GABRB1: variants seen among roughly 807,000 people sequenced by gnomAD.
The protein encoded by GABRB1 is gamma-aminobutyric acid receptor subunit beta-1.
GABRB1 carries 17 observed loss-of-function variants against 51.6 expected under a neutral mutation model. That is an observed-to-expected ratio of 0.33 (90% CI 0.23 to 0.49). GABRB1 has a LOEUF of 0.49. Ranked by LOEUF, GABRB1 falls within the 20% of genes least tolerant of loss-of-function variation. GABRB1 has a pLI of 0.99. For synonymous variants in GABRB1, 247 were observed against 218.9 expected (o/e 1.13, Z -1.14); for missense variants, 410 against 600.6 (o/e 0.68, Z 3.32).
At chr4:47,170,485 G>T (rs2096717690) in intron 4 of GABRB1, among the ~76,000 whole-genome samples, 1 of 151,728 alleles carries the variant, frequency 6.6e-6, no homozygotes, top group African/African-American at 2.4e-5. Context: ...TCTAACATTA[G>T]CTCTCTGTAT....
intron 5 of GABRB1, among the ~76,000 whole-genome samples, chr4:47,374,092 G>A (rs543944669): frequency 1.3e-5 from 2 of 152,290 alleles, no homozygotes; most frequent in East Asian, 1.9e-4. Flanking sequence ...CCCAGAAAAT[G>A]AGTGAACAAT....
At chr4:47,208,362 T>C (rs1483520082) in intron 4 of GABRB1, among the ~76,000 whole-genome samples, 1 of 152,198 alleles carries the variant, frequency 6.6e-6, no homozygotes, top group African/African-American at 2.4e-5. Context: ...TAATGCTTAA[T>C]AGGTACAAAG....
At chr4:47,397,050 C>A (rs1182875393) in intron 5 of GABRB1, among the ~76,000 whole-genome samples, 2 of 151,864 alleles carry the variant, frequency 1.3e-5, no homozygotes, top group Non-Finnish European at 2.9e-5. Flanking sequence ...AGAACATTAA[C>A]CCTTGTCTTA....
At chr4:47,369,901 G>A (rs151144559) in intron 5 of GABRB1, among the ~76,000 whole-genome samples, 2 of 152,030 alleles carry the variant, frequency 1.3e-5, no homozygotes, top group African/African-American at 4.8e-5. Context: ...TGCAAAAAAG[G>A]GTAGCTATTT....
intron 4 of GABRB1, among the ~76,000 whole-genome samples, chr4:47,223,306 A>G (rs1484618800): frequency 1.3e-5 from 2 of 152,054 alleles, no homozygotes; most frequent in Non-Finnish European, 2.9e-5. Context: ...TTCATTTGTT[A>G]TGGGAGTGTG....
chr4:47,145,401 A>G (rs1485918137), intron 3 of GABRB1, among the ~76,000 whole-genome samples: 6 of 152,012 alleles, frequency 3.9e-5, no homozygotes, highest in Admixed American at 3.9e-4. Context: ...GCAGTGTGGC[A>G]AGCCCACAAG....
chr4:46,999,423 A>G (rs1161789229), intron 1 of GABRB1, among the ~76,000 whole-genome samples: 1 of 152,204 alleles, frequency 6.6e-6, no homozygotes, highest in African/African-American at 2.4e-5. Context: ...CATGTTCATG[A>G]GGAGACATCT....
intron 3 of GABRB1, among the ~76,000 whole-genome samples, chr4:47,043,962 G>A (rs1210900698): frequency 6.6e-6 from 1 of 152,090 alleles, no homozygotes; most frequent in Non-Finnish European, 1.5e-5. Context: ...TTAGAAAACA[G>A]AATAAGGAGA....
intron 5 of GABRB1, among the ~76,000 whole-genome samples, chr4:47,349,938 T>G (rs1726246068): frequency 6.6e-6 from 1 of 152,074 alleles, no homozygotes. Context: ...TTACATATAG[T>G]GGTCTTTGCT....
intron 4 of GABRB1, among the ~76,000 whole-genome samples, chr4:47,290,580 T>C (rs1310890878): frequency 6.6e-6 from 1 of 152,176 alleles, no homozygotes; most frequent in Admixed American, 6.5e-5. Context: ...TGGGAAAGTT[T>C]GGAATTTCCT....
intron 4 of GABRB1, among the ~76,000 whole-genome samples, chr4:47,268,699 T>A (rs1008868532): frequency 6.6e-6 from 1 of 152,136 alleles, no homozygotes; most frequent in East Asian, 1.9e-4. Flanking sequence ...AAAAGCCACA[T>A]GGAAAAAGCA....
intron 4 of GABRB1, among the ~76,000 whole-genome samples, chr4:47,280,383 G>T (rs1349273938): frequency 6.6e-6 from 1 of 151,004 alleles, no homozygotes; most frequent in East Asian, 1.9e-4. Flanking sequence ...TAATATTTTT[G>T]TCTTTTGCCC....
upstream of GABRB1, among the ~76,000 whole-genome samples, chr4:47,028,152 TTAA>T (rs1282606184): frequency 6.6e-6 from 1 of 151,768 alleles, no homozygotes; most frequent in Non-Finnish European, 1.5e-5. Context: ...TATTGGTCAC[TTAA>T]TTATTTTTTT....
chr4:47,368,704 AC>A (rs1727079064), intron 5 of GABRB1, among the ~76,000 whole-genome samples: 1 of 151,842 alleles, frequency 6.6e-6, no homozygotes, highest in Non-Finnish European at 1.5e-5. Flanking sequence ...ATTGCTTAAG[AC>A]CCTTAGTCTA....
intron 4 of GABRB1, among the ~76,000 whole-genome samples, chr4:47,233,119 G>A (rs1044647717): frequency 5.9e-5 from 9 of 151,934 alleles, no homozygotes; most frequent in South Asian, 4.1e-4. Context: ...CAGGCAGTCC[G>A]CCTGCCTTGG....
At chr4:47,277,854 CTACAT>C (rs1224791344) in intron 4 of GABRB1, among the ~76,000 whole-genome samples, 3 of 151,882 alleles carry the variant, frequency 2.0e-5, no homozygotes, top group African/African-American at 2.4e-5. Flanking sequence ...GTATATATAA[CTACAT>C]TATATGTTTA....
At chr4:47,134,249 T>C (rs990681165) in intron 3 of GABRB1, among the ~76,000 whole-genome samples, 2 of 152,322 alleles carry the variant, frequency 1.3e-5, no homozygotes, top group African/African-American at 4.8e-5. Flanking sequence ...GCTACAGTTT[T>C]TATTGGTACT....
chr4:47,015,479 C>A (rs966249905), intron 1 of GABRB1, among the ~76,000 whole-genome samples: 5 of 151,940 alleles, frequency 3.3e-5, no homozygotes, highest in African/African-American at 1.2e-4. Flanking sequence ...CCAAACAAGA[C>A]TCCTTTTCCT....
At chr4:47,197,176 C>A (rs1719716902) in intron 4 of GABRB1, among the ~76,000 whole-genome samples, 1 of 152,202 alleles carries the variant, frequency 6.6e-6, no homozygotes, top group South Asian at 2.1e-4. Flanking sequence ...GGGCATCTAG[C>A]ATTACCAAAT....
Sources: gnomAD v4.1 joint callset for allele counts (sites outside exome capture counted in the v4.1 genomes callset) on GRCh38, gnomAD v4.1.1 for gene constraint, MANE v1.5 for transcripts, NCBI Gene and HGNC (gene_info 2026-07-23, HGNC 2026-07-21) for gene names.